EXOC4: variants seen among roughly 807,000 people sequenced by gnomAD.
The protein encoded by EXOC4 is exocyst complex component 4.
Under a neutral mutation model 107.2 loss-of-function variants are expected in EXOC4, and 71 were observed. The ratio of observed to expected loss-of-function variants is 0.66; its 90% confidence interval spans 0.55 to 0.81. The LOEUF is 0.81. Among genes scored for constraint, EXOC4 ranks in the 30% least tolerant of loss-of-function variants. The pLI is 0.00. For synonymous variants in EXOC4, 456 were observed against 441.2 expected, an observed-to-expected ratio of 1.03 and a Z score of -0.42; for missense variants, 1,108 against 1,189.6, an observed-to-expected ratio of 0.93 and a Z score of 1.01.
At chr7:133,474,918 A>G (rs978670698) in intron 7 of EXOC4, among the ~76,000 whole-genome samples, 3 of 152,108 alleles carry the variant, frequency 2.0e-5, no homozygotes, top group African/African-American at 4.8e-5. Flanking sequence ...TACATTTTAC[A>G]TGGATTAGCA....
At chr7:133,574,618 G>T (rs1379270863) in intron 9 of EXOC4, among the ~76,000 whole-genome samples, 2 of 152,194 alleles carry the variant, frequency 1.3e-5, no homozygotes, top group African/African-American at 4.8e-5. Context: ...CCTTGACCCT[G>T]AAGTATCTGT....
At chr7:133,326,281 C>A (rs568124311) in intron 5 of EXOC4, among the ~76,000 whole-genome samples, 4 of 152,144 alleles carry the variant, frequency 2.6e-5, no homozygotes, top group African/African-American at 9.7e-5. Context: ...GGGGGAGAGG[C>A]GCTCTGATTT....
chr7:133,283,879 A>G (rs921710627), intron 2 of EXOC4, among the ~76,000 whole-genome samples: 3 of 152,010 alleles, frequency 2.0e-5, no homozygotes, highest in South Asian at 2.1e-4. Context: ...TTTGCTTGCC[A>G]TAATGTTTTT....
chr7:133,647,791 T>C (rs1314456148), intron 10 of EXOC4, among the ~76,000 whole-genome samples: 3 of 152,124 alleles, frequency 2.0e-5, no homozygotes, highest in African/African-American at 7.2e-5. Context: ...AGTTTGACTC[T>C]GGATTATCAA....
intron 17 of EXOC4, among the ~76,000 whole-genome samples, chr7:134,037,848 G>A (rs1215906601): frequency 2.0e-5 from 3 of 152,084 alleles, no homozygotes; most frequent in Admixed American, 1.3e-4. Context: ...AGGAGTTCTT[G>A]ATAAAAAGGA....
chr7:133,661,677 AAAAAAAAAAAAC>A (rs1337815745), intron 10 of EXOC4, among the ~76,000 whole-genome samples: 3 of 73,096 alleles, frequency 4.1e-5, no homozygotes, highest in Non-Finnish European at 6.2e-5. Flanking sequence ...AAAACTAAAA[AAAAAAAAAAAAC>A]AAAAAAAAAA....
chr7:134,029,721 A>G (rs1795226553), intron 17 of EXOC4, among the ~76,000 whole-genome samples: 1 of 152,072 alleles, frequency 6.6e-6, no homozygotes, highest in South Asian at 2.1e-4. Context: ...GGGTCTCACC[A>G]TGTTGCCTAG....
At chr7:133,865,444 C>T (rs1386499705) in intron 11 of EXOC4, among the ~76,000 whole-genome samples, 1 of 152,196 alleles carries the variant, frequency 6.6e-6, no homozygotes, top group Non-Finnish European at 1.5e-5. Context: ...TTTCCCATCT[C>T]TAGAATTTTT....
chr7:133,542,836 A>C (rs982510345), intron 9 of EXOC4, among the ~76,000 whole-genome samples: 12 of 152,114 alleles, frequency 7.9e-5, no homozygotes, highest in Non-Finnish European at 1.3e-4. Context: ...TGTCAGTACC[A>C]TTTTAGTTTT....
At chr7:133,739,877 G>A (rs1421449366) in intron 10 of EXOC4, among the ~76,000 whole-genome samples, 2 of 152,174 alleles carry the variant, frequency 1.3e-5, no homozygotes, top group East Asian at 1.9e-4. Flanking sequence ...CATAATACCT[G>A]GATGATGAAA....
At chr7:133,903,211 T>C (rs533671734) in intron 12 of EXOC4, among the ~76,000 whole-genome samples, 84 of 152,202 alleles carry the variant, frequency 5.5e-4, no homozygotes, top group Non-Finnish European at 9.0e-4. Context: ...TAAGCCACTC[T>C]AGGGATGCTG....
intron 14 of EXOC4, among the ~76,000 whole-genome samples, chr7:133,971,361 TAGAGAGAGAGAGAG>T (rs1186165891): frequency 1.3e-4 from 10 of 75,076 alleles, no homozygotes; most frequent in Non-Finnish European, 2.2e-4. Flanking sequence ...TATATATATA[TAGAGAGAGAGAGAG>T]AGAGAGAGAG....
intron 17 of EXOC4, among the ~76,000 whole-genome samples, chr7:134,038,033 T>G (rs951655478): frequency 1.3e-5 from 2 of 152,110 alleles, no homozygotes; most frequent in Admixed American, 6.5e-5. Context: ...CTTTAAAAGG[T>G]CAAGACCCAG....
intron 10 of EXOC4, among the ~76,000 whole-genome samples, chr7:133,753,574 G>T (rs138181756): frequency 3.3e-5 from 5 of 152,336 alleles, no homozygotes; most frequent in African/African-American, 1.2e-4. Context: ...GGGAGGTGCA[G>T]AAGAGCTCGA....
At chr7:133,947,405 G>A (rs1585269494) in intron 14 of EXOC4, among the ~76,000 whole-genome samples, 1 of 152,120 alleles carries the variant, frequency 6.6e-6, no homozygotes, top group Non-Finnish European at 1.5e-5. Context: ...ACTCACCAGA[G>A]CTCCCAAAAT....
At chr7:133,986,225 T>C (rs1215702625) in intron 14 of EXOC4, among the ~76,000 whole-genome samples, 1 of 152,230 alleles carries the variant, frequency 6.6e-6, no homozygotes, top group East Asian at 1.9e-4. Context: ...ATTTCTGGGA[T>C]CTGTGAAAAG....
At chr7:133,574,467 A>G (rs1025866960) in intron 9 of EXOC4, among the ~76,000 whole-genome samples, 9 of 152,184 alleles carry the variant, frequency 5.9e-5, no homozygotes, top group Non-Finnish European at 1.2e-4. Flanking sequence ...CACTGAATAA[A>G]ACATTTGTTA....
At chr7:133,673,827 T>C (rs894425653) in intron 10 of EXOC4, among the ~76,000 whole-genome samples, 1 of 152,226 alleles carries the variant, frequency 6.6e-6, no homozygotes, top group Non-Finnish European at 1.5e-5. Flanking sequence ...CTCATTTTTC[T>C]TGTTCCTTAT....
intron 14 of EXOC4, among the ~76,000 whole-genome samples, chr7:133,975,748 C>CAT (rs1491305443): frequency 7.1e-5 from 1 of 14,154 alleles, no homozygotes; most frequent in African/African-American, 3.1e-4. Context: ...TGCGTGTGCA[C>CAT]ACACACACAC....
Sources: gnomAD v4.1 joint callset for allele counts (sites outside exome capture counted in the v4.1 genomes callset) on GRCh38, gnomAD v4.1.1 for gene constraint, MANE v1.5 for transcripts, NCBI Gene and HGNC (gene_info 2026-07-23, HGNC 2026-07-21) for gene names.